ECPAS: variants seen among roughly 807,000 people sequenced by gnomAD.
The protein encoded by ECPAS is proteasome adapter and scaffold protein ECM29.
In ECPAS, 70 loss-of-function variants were observed where a neutral mutation model predicts 255.1. That is an observed-to-expected ratio of 0.27 (90% confidence interval 0.23 to 0.33). The LOEUF is 0.33. Among genes scored for constraint, ECPAS ranks in the 10% least tolerant of loss-of-function variants. The pLI is 1.00. For synonymous variants in ECPAS, 784 were observed against 775.0 expected (o/e 1.01, Z -0.19); for missense variants, 1,817 against 2,206.4 (o/e 0.82, Z 3.54).
Position 111,440,467 on chromosome 9 carries a change from T to A in ECPAS, c.444A>T (p.Ser148=), listed in dbSNP as rs745646486. ...GATTAAATGGAGAAGCTGATTTTGATGATTCAACAGGGTATTTCATGTGAA... is the reference window on the plus strand; with the variant it reads ...GATTAAATGGAGAAGCTGATTTTGAAGATTCAACAGGGTATTTCATGTGAA... ...TLFHMKYPVE[S]SKSASPFNLA... is the part of the protein sequence containing the mutation. The change falls in exon 6 of 50, where the codon TCA becomes TCT. Residue 148 remains serine (S), a synonymous_variant. Coordinates refer to ENST00000684092, the MANE Select transcript of ECPAS (RefSeq NM_001364929.1). The A allele has an allele frequency of 1.2e-6, 2 of 1,613,048 alleles. No individual in the cohort carries two copies. The highest frequency in any genetic ancestry group is 1.7e-6 in the Non-Finnish European group (2 of 1,179,346).
chr9:111,443,724 G>C (rs1162010475), intron 4 of ECPAS, among the ~76,000 whole-genome samples: 1 of 152,052 alleles, frequency 6.6e-6, no homozygotes, highest in African/African-American at 2.4e-5. Context: ...CCAATAACAG[G>C]CTCCAAAAGG....
At chr9:111,458,513 G>C (rs1284324447) in intron 2 of ECPAS, among the ~76,000 whole-genome samples, 2 of 152,044 alleles carry the variant, frequency 1.3e-5, no homozygotes, top group South Asian at 2.1e-4. Flanking sequence ...ACTCATAGTG[G>C]GCCCCAGATT....
chr9:111,368,427 CAAG>C (rs1251103715), intron 46 of ECPAS, among the ~76,000 whole-genome samples: 1 of 152,150 alleles, frequency 6.6e-6, no homozygotes, highest in Admixed American at 6.6e-5. Flanking sequence ...CTATGATCAT[CAAG>C]AAGATCAGTA....
At chr9:111,379,999 T>A (rs1334939390) in intron 35 of ECPAS, among the ~76,000 whole-genome samples, 1 of 152,210 alleles carries the variant, frequency 6.6e-6, no homozygotes, top group Non-Finnish European at 1.5e-5. Context: ...TTTGACCTCC[T>A]CCCATGAATC....
intron 48 of ECPAS, among the ~76,000 whole-genome samples, chr9:111,364,452 G>C (rs1408631945): frequency 6.6e-6 from 1 of 152,152 alleles, no homozygotes. Flanking sequence ...ATGAATCAAT[G>C]CCAGTAACAG....
rs1028635604 is a variant in ECPAS at position 111,403,553 on chromosome 9, G to A, written c.2652+5018C>T. 7.3e-5 allele frequency among the ~76,000 whole-genome samples: 11 copies of A among 149,832 alleles called. 2 individuals are homozygous for A. The East Asian group carries it at 1.8e-3, about 25-fold the overall frequency. On this transcript the variant is annotated intron_variant, in intron 24 of 49. Transcript: ENST00000684092. ...AATGATAAAGGGCTCAATTCAGCAA[G>A]AGCATATAAAGGTTATAAATATATA... is the stretch of plus-strand genomic sequence containing the variant.
intron 1 of ECPAS, among the ~76,000 whole-genome samples, chr9:111,483,113 T>C (rs1211363939): frequency 6.6e-6 from 1 of 152,048 alleles, no homozygotes; most frequent in African/African-American, 2.4e-5. Flanking sequence ...CAACCAGCCG[T>C]CGGGGACCCG....
chr9:111,418,435 A>G (rs1488169252), intron 16 of ECPAS, among the ~76,000 whole-genome samples: 1 of 152,198 alleles, frequency 6.6e-6, no homozygotes, highest in East Asian at 1.9e-4. Context: ...CTAATAACTC[A>G]TAAGTGACAT....
intron 7 of ECPAS, among the ~76,000 whole-genome samples, 199 bp downstream of exon 7, chr9:111,436,741 C>T (rs1024862980): frequency 5.3e-5 from 8 of 152,148 alleles, no homozygotes; most frequent in African/African-American, 1.7e-4. Context: ...AAAAACTAAA[C>T]AGTATGTCCC....
intron 15 of ECPAS, among the ~76,000 whole-genome samples, chr9:111,420,817 A>G (rs2098212418): frequency 6.6e-6 from 1 of 152,228 alleles, no homozygotes; most frequent in Non-Finnish European, 1.5e-5. Context: ...TCATTCTGGC[A>G]TTCTTGCTAT....
At chr9:111,444,781 G>A (rs1421723079) in intron 3 of ECPAS, among the ~76,000 whole-genome samples, 1 of 152,080 alleles carries the variant, frequency 6.6e-6, no homozygotes. Context: ...CACAATCTTG[G>A]CTCACTGCAA....
chr9:111,480,292 CTTTTT>C (rs398011866), intron 1 of ECPAS, among the ~76,000 whole-genome samples: 2 of 63,636 alleles, frequency 3.1e-5, no homozygotes, highest in East Asian at 5.0e-4. Context: ...AGCACCTTTT[CTTTTT>C]TTTTTTTTTT....
At chr9:111,410,754 A>G (rs529141811) in intron 22 of ECPAS, among the ~76,000 whole-genome samples, 6 of 152,240 alleles carry the variant, frequency 3.9e-5, no homozygotes, top group African/African-American at 1.4e-4. Flanking sequence ...CTTGGACTCA[A>G]GTCATCCTCC....
chr9:111,472,721 G>A (rs76327781), intron 2 of ECPAS, among the ~76,000 whole-genome samples, 176 bp downstream of exon 2: 223 of 150,234 alleles, frequency 1.5e-3, no homozygotes, highest in African/African-American at 5.4e-3. Flanking sequence ...ACAGAGAATA[G>A]AGGCTTCAGG....
chr9:111,377,566 T>C (rs961802974), intron 36 of ECPAS, among the ~76,000 whole-genome samples: 6 of 152,218 alleles, frequency 3.9e-5, no homozygotes, highest in African/African-American at 1.4e-4. Flanking sequence ...ACACTATACA[T>C]ACATTAAAAA....
At chr9:111,391,140 A>G (rs1282361992) in intron 29 of ECPAS, among the ~76,000 whole-genome samples, 1 of 152,112 alleles carries the variant, frequency 6.6e-6, no homozygotes, top group East Asian at 1.9e-4. Context: ...TATCCACTGA[A>G]ACGATGGTAG....
chr9:111,477,894 T>G (rs2098298435), intron 1 of ECPAS, among the ~76,000 whole-genome samples: 1 of 151,664 alleles, frequency 6.6e-6, no homozygotes, highest in African/African-American at 2.4e-5. Flanking sequence ...TGCCTATTTT[T>G]GGCAACTTTT....
Position 111,425,468 on chromosome 9 carries a change from C to T in ECPAS, c.1165G>A (p.Gly389Ser). Residue 389 changes from glycine (G) to serine (S), a missense_variant, in exon 12 of 50, where the codon GGT (glycine) becomes AGT (serine). By Grantham distance (56) the Gly-to-Ser change is moderately conservative. Transcript: ENST00000684092. ...GTGAGGCCATTCAAAAGCATTGGAC[C>T]TAATGGCTTAATCTTGATTTCTGGA... ...TCPEIKIKPL[G>S]PMLLNGLTKL... 6.2e-7 allele frequency: 1 copy of T among 1,600,838 alleles called. No homozygotes were observed.
intron 25 of ECPAS, among the ~76,000 whole-genome samples, chr9:111,396,569 G>A (rs2098167965): frequency 6.6e-6 from 1 of 151,878 alleles, no homozygotes; most frequent in Admixed American, 6.6e-5. Flanking sequence ...TTTATTTTTT[G>A]AGACAGAGTC....
Sources: gnomAD v4.1 joint callset for allele counts (sites outside exome capture counted in the v4.1 genomes callset) on GRCh38, gnomAD v4.1.1 for gene constraint, MANE v1.5 for transcripts, NCBI Gene and HGNC (gene_info 2026-07-23, HGNC 2026-07-21) for gene names.